CALCB: variants seen among roughly 807,000 people sequenced by gnomAD.
The protein encoded by CALCB is calcitonin related polypeptide beta.
Under a neutral mutation model 10.7 loss-of-function variants are expected in CALCB, and 8 were observed. The ratio of observed to expected loss-of-function variants is 0.75; its 90% confidence interval spans 0.44 to 1.34. The LOEUF (loss-of-function observed/expected upper bound fraction) is 1.34, where lower values mean the gene tolerates loss of function less well. Ranked by LOEUF, CALCB falls within the 40% of genes most tolerant of loss-of-function variation. The probability of loss-of-function intolerance (pLI) is 0.01; values close to 1 mark genes in which losing one functional copy is unlikely to be tolerated. For synonymous variants in CALCB, 76 were observed against 66.9 expected, an observed-to-expected ratio of 1.14 and a Z score of -0.66; for missense variants, 176 against 162.5, an observed-to-expected ratio of 1.08 and a Z score of -0.45.
At chr11:15,075,856 G>A (rs1349366127) in intron 3 of CALCB, among the ~76,000 whole-genome samples, 2 of 152,056 alleles carry the variant, frequency 1.3e-5, no homozygotes, top group Non-Finnish European at 2.9e-5. Context: ...CCAACCCCTG[G>A]CCTGCTCCCA....
At chr11:15,077,596 G>A (rs1590303253) in intron 4 of CALCB, 126 bp downstream of exon 4, 1 of 934,986 alleles carries the variant, frequency 1.1e-6, no homozygotes, top group Non-Finnish European at 1.6e-6. Flanking sequence ...TCCTCCTGAG[G>A]CAGTGAGTTC....
intron 3 of CALCB, 71 bp from the exon 4 acceptor site, chr11:15,077,215 C>G: frequency 6.5e-7 from 1 of 1,536,426 alleles, no homozygotes. Context: ...TGTTGCAGTT[C>G]TCTTCATGAA....
chr11:15,074,799 A>T lies in CALCB; in HGVS notation c.81A>T (p.Pro27=). 3 of 1,613,510 alleles carry T rather than the reference A, an allele frequency of 1.9e-6. No homozygotes were observed. Among genetic ancestry groups the T allele is most frequent in the Non-Finnish European group, 2.5e-6 (3 of 1,179,654 alleles). Residue 27 remains proline (P), a synonymous_variant, in exon 2 of 5, where the codon CCA becomes CCT. Coordinates refer to ENST00000324229, the MANE Select transcript of CALCB (RefSeq NM_000728.4). ...AGGCGGGCAGCCTCCAGGCGGCGCC[A>T]TTCAGGTGAGACAGCCTGGAGCCAG... ...LYQAGSLQAA[P]FRSALESSPD... is the part of the protein sequence containing the mutation.
chr11:15,075,433 G>A (rs1049022674), intron 3 of CALCB, among the ~76,000 whole-genome samples: 63 of 152,312 alleles, frequency 4.1e-4, no homozygotes, highest in African/African-American at 1.5e-3. Context: ...GAACATAGAT[G>A]TAGAAGCTTT....
Position 15,077,344 on chromosome 11 carries a change from G to A in CALCB, c.283G>A (p.Gly95Ser). 1 of 1,614,254 alleles carries A rather than the reference G, an allele frequency of 6.2e-7. No individual in the cohort carries two copies. The highest frequency in any genetic ancestry group is 2.2e-5 in the East Asian group (1 of 44,882). Residue 95 changes from glycine to serine, a missense_variant, in exon 4 of 5, where the codon GGC (glycine) becomes AGC (serine). Coordinates refer to ENST00000324229, the MANE Select transcript of CALCB (RefSeq NM_000728.4). Reference protein sequence around the residue: ...TATCVTHRLAGLLSRSGGMVK... With the variant: ...TATCVTHRLASLLSRSGGMVK... Reference sequence around the variant, plus strand: ...CACCTGTGTGACTCATCGGCTGGCAGGCTTGCTGAGCAGATCAGGGGGCAT... The same window carrying A: ...CACCTGTGTGACTCATCGGCTGGCAAGCTTGCTGAGCAGATCAGGGGGCAT...
rs1466688387 is a variant in CALCB at position 15,075,054 on chromosome 11, T to A, written c.87-7T>A. 1 of 1,614,152 alleles carries A rather than the reference T, an allele frequency of 6.2e-7. No individual in the cohort carries two copies. The highest frequency in any genetic ancestry group is 1.3e-5 in the African/African-American group (1 of 75,034). ...CAGCCTGCAAGGAGTTTGCTTCCCT[T>A]CCACAGGTCTGCCCTGGAGAGCAGC... On this transcript the variant is annotated splice_region_variant and splice_polypyrimidine_tract_variant and intron_variant, in intron 2 of 4. Coordinates refer to ENST00000324229, the MANE Select transcript of CALCB (RefSeq NM_000728.4).
In CALCB at chr11:15,075,154, G is replaced by A; in HGVS notation, c.180G>A (p.Met60Ile). The A allele has an allele frequency of 2.5e-6, 4 of 1,614,184 alleles. No homozygotes were observed. The highest frequency in any genetic ancestry group is 2.5e-6 in the Non-Finnish European group (3 of 1,180,012). The change falls in exon 3 of 5, where the codon ATG becomes ATA. Residue 60 changes from methionine to isoleucine, a missense_variant. Physicochemically the swap from Met to Ile is conservative, Grantham distance 10. Coordinates refer to ENST00000324229, the MANE Select transcript of CALCB (RefSeq NM_000728.4). Reference sequence around the variant, plus strand: ...CACTGGTGCAGGACTATGTGCAGATGAAGGCCAGTGAGCTGAAGCAGGAGC... The same window carrying A: ...CACTGGTGCAGGACTATGTGCAGATAAAGGCCAGTGAGCTGAAGCAGGAGC... Reference protein sequence around the residue: ...LAALVQDYVQMKASELKQEQE... With the variant: ...LAALVQDYVQIKASELKQEQE...
chr11:15,075,908 C>T (rs959612327), intron 3 of CALCB, among the ~76,000 whole-genome samples: 11 of 152,156 alleles, frequency 7.2e-5, no homozygotes, highest in African/African-American at 1.7e-4. Flanking sequence ...ACATTCACCC[C>T]GAGAACCTCT....
chr11:15,075,112 G>A lies in CALCB; in HGVS notation c.138G>A (p.Ala46=), dbSNP rs755654013. Residue 46 remains alanine (A), a synonymous_variant, in exon 3 of 5, where the codon GCG becomes GCA. Transcript: ENST00000324229. ...PDPATLSKED[A]RLLLAALVQD... ...CGGCCACACTCAGTAAAGAGGACGCGCGCCTCCTGCTGGCTGCACTGGTGC... is the reference window on the plus strand; with the variant it reads ...CGGCCACACTCAGTAAAGAGGACGCACGCCTCCTGCTGGCTGCACTGGTGC... 24 of 1,614,088 alleles carry A rather than the reference G, an allele frequency of 1.5e-5. No homozygotes were observed. The highest frequency in any genetic ancestry group is 1.8e-5 in the Non-Finnish European group (21 of 1,180,042).
chr11:15,075,342 A>G (rs991214678), intron 3 of CALCB, 144 bp downstream of exon 3: 1 of 1,372,396 alleles, frequency 7.3e-7, no homozygotes, highest in East Asian at 2.3e-5. Flanking sequence ...TCAAGTTCCA[A>G]GGGAGACAGA....
chr11:15,074,016 A>T (rs1322240478), intron 1 of CALCB, among the ~76,000 whole-genome samples: 1 of 152,186 alleles, frequency 6.6e-6, no homozygotes, highest in Admixed American at 6.5e-5. Flanking sequence ...GTCCTTCGGG[A>T]GCATGTTTCG....
chr11:15,077,824 C>A (rs188485687), intron 4 of CALCB, among the ~76,000 whole-genome samples: 27 of 152,260 alleles, frequency 1.8e-4, no homozygotes, highest in African/African-American at 6.3e-4. Context: ...TAACCTACTA[C>A]CAAGATTAAT....
chr11:15,077,148 A>C (rs989760594), intron 3 of CALCB, 138 bp from the exon 4 acceptor site: 6 of 896,260 alleles, frequency 6.7e-6, no homozygotes, highest in Non-Finnish European at 1.0e-5. Flanking sequence ...CATTTCCCCT[A>C]ACAGCTTTGA....
At chr11:15,076,262 C>T (rs1452885752) in intron 3 of CALCB, among the ~76,000 whole-genome samples, 2 of 152,166 alleles carry the variant, frequency 1.3e-5, no homozygotes, top group South Asian at 2.1e-4. Flanking sequence ...TTCATATGTT[C>T]CCTGGCATCA....
rs779129003 is a variant in CALCB, at chr11:15,075,993, A to T, written c.224+795A>T. Among the ~76,000 whole-genome samples, 181 of 152,124 alleles carry T rather than the reference A, an allele frequency of 1.2e-3. 1 individual carries two copies. The highest frequency in any genetic ancestry group is 1.9e-3 in the Non-Finnish European group (130 of 67,986). ...CCTTCCTCATTCAGCCCTTCTCTAC[A>T]CTGCCCTGGCCCACTGACCCTCTCA... On this transcript the variant is annotated intron_variant, in intron 3 of 4. Transcript: ENST00000324229.
rs1417308091 is a variant in CALCB at position 15,073,624 on chromosome 11, C to G, written c.-49C>G. 1 of 152,240 alleles carries G rather than the reference C, an allele frequency of 6.6e-6. No individual in the cohort carries two copies. The highest frequency in any genetic ancestry group is 1.5e-5 in the Non-Finnish European group (1 of 68,076). 9.4% of individuals were successfully genotyped at this position (152,240 alleles called of 1,614,324 possible). On this transcript the variant is annotated 5_prime_UTR_variant, in exon 1 of 5. Transcript: ENST00000324229. ...AGCAGGTGTGGTGTTCATCCCGGGT[C>G]GACCGGCCGCTCGCGCTGCCCTGAA...
chr11:15,074,706 A>G lies in CALCB; in HGVS notation c.-9-4A>G. ...GCAGTAGTAACGTCATCCTTCCTTT[A>G]CAGAGAGGCGGCATGGGTTTCCGGA... On this transcript the variant is annotated splice_region_variant and splice_polypyrimidine_tract_variant and intron_variant, in intron 1 of 4. Coordinates refer to ENST00000324229, the MANE Select transcript of CALCB (RefSeq NM_000728.4). 1 of 1,610,926 alleles carries G rather than the reference A, an allele frequency of 6.2e-7. No homozygotes were observed. The highest frequency in any genetic ancestry group is 8.5e-7 in the Non-Finnish European group (1 of 1,177,502).
intron 3 of CALCB, among the ~76,000 whole-genome samples, chr11:15,076,913 G>A (rs1331355168): frequency 1.3e-5 from 2 of 152,098 alleles, no homozygotes. Flanking sequence ...AAGACTTTAG[G>A]GAATTTCATT....
chr11:15,074,705 T>G lies in CALCB; in HGVS notation c.-9-5T>G. On this transcript the variant is annotated splice_region_variant and splice_polypyrimidine_tract_variant and intron_variant, in intron 1 of 4. Coordinates refer to ENST00000324229, the MANE Select transcript of CALCB (RefSeq NM_000728.4). The stretch of plus-strand genomic sequence containing the variant: ...TGCAGTAGTAACGTCATCCTTCCTT[T>G]ACAGAGAGGCGGCATGGGTTTCCGG... The G allele has an allele frequency of 6.2e-7, 1 of 1,611,258 alleles. No homozygotes were observed. The highest frequency in any genetic ancestry group is 1.1e-5 in the South Asian group (1 of 90,908).
Sources: allele counts gnomAD v4.1 joint callset (sites outside exome capture counted in the v4.1 genomes callset), GRCh38; gene constraint gnomAD v4.1.1; transcripts MANE v1.5; gene names NCBI Gene and HGNC (gene_info 2026-07-23, HGNC 2026-07-21).